Variants in SLC25A21 observed in about 807,000 individuals in gnomAD.
The protein encoded by SLC25A21 is solute carrier family 25 member 21.
Under a neutral mutation model 43.8 loss-of-function variants are expected in SLC25A21, and 47 were observed. The observed-to-expected ratio is 1.07, with a 90% CI of 0.85 to 1.37. The LOEUF (loss-of-function observed/expected upper bound fraction) is 1.37, where lower values mean the gene tolerates loss of function less well. Among genes scored for constraint, SLC25A21 ranks in the 40% most tolerant of loss-of-function variants. The pLI is 0.00. For synonymous variants in SLC25A21, 131 were observed against 121.3 expected (o/e 1.08, Z -0.52); for missense variants, 352 against 350.2 (o/e 1.00, Z -0.04).
At chr14:37,079,937 G>A (rs1198887719) in intron 1 of SLC25A21, among the ~76,000 whole-genome samples, 1 of 152,118 alleles carries the variant, frequency 6.6e-6, no homozygotes, top group Non-Finnish European at 1.5e-5. Flanking sequence ...AATGGAAAGA[G>A]TGCCCTTATA....
rs147024572 is a variant in SLC25A21 at position 36,908,287 on chromosome 14, T to C, written c.71-33283A>G. ...AAATGTACTACTCCGGTATGGAATA[T>C]TGACAGTGGGGGCATCTCTGCATGG... On this transcript the variant is annotated intron_variant, in intron 1 of 9. Coordinates refer to ENST00000331299, the MANE Select transcript of SLC25A21 (RefSeq NM_030631.4). Among the ~76,000 whole-genome samples, 623 of 152,326 alleles carry C rather than the reference T, an allele frequency of 4.1e-3. 3 individuals carry two copies. The highest frequency in any genetic ancestry group is 0.014 in the African/African-American group (577 of 41,578).
chr14:36,846,154 T>C (rs1889534688), intron 2 of SLC25A21, among the ~76,000 whole-genome samples: 1 of 152,212 alleles, frequency 6.6e-6, no homozygotes, highest in South Asian at 2.1e-4. Context: ...GTGAACTTTC[T>C]AGAAGGAATT....
chr14:37,040,364 AG>A (rs1961433990), intron 1 of SLC25A21, among the ~76,000 whole-genome samples: 5 of 34,798 alleles, frequency 1.4e-4, no homozygotes, highest in African/African-American at 1.0e-3. Context: ...AAAGAAAGAG[AG>A]AGAGAGAGAG....
intron 1 of SLC25A21, among the ~76,000 whole-genome samples, chr14:37,119,196 G>A (rs1210689431): frequency 6.6e-6 from 1 of 152,120 alleles, no homozygotes; most frequent in Admixed American, 6.6e-5. Context: ...TCAGTTCCAG[G>A]AACTGCCTGC....
chr14:37,131,953 C>T (rs774080561), intron 1 of SLC25A21, among the ~76,000 whole-genome samples: 1 of 152,148 alleles, frequency 6.6e-6, no homozygotes, highest in Non-Finnish European at 1.5e-5. Context: ...GGATTACAGG[C>T]ATGAGCCACT....
At chr14:36,729,847 T>C (rs1382383209) in intron 4 of SLC25A21, among the ~76,000 whole-genome samples, 1 of 152,194 alleles carries the variant, frequency 6.6e-6, no homozygotes, top group Non-Finnish European at 1.5e-5. Context: ...CCATTTTCAG[T>C]TTCCCCAGAC....
At chr14:36,721,533 T>C (rs1884373913) in intron 6 of SLC25A21, among the ~76,000 whole-genome samples, 1 of 152,226 alleles carries the variant, frequency 6.6e-6, no homozygotes. Context: ...TGGTAAAAAG[T>C]GTAATGAGAA....
intron 1 of SLC25A21, among the ~76,000 whole-genome samples, chr14:36,877,152 A>C (rs1890558512): frequency 6.6e-6 from 1 of 152,138 alleles, no homozygotes; most frequent in Non-Finnish European, 1.5e-5. Context: ...AGTTTACCAA[A>C]GCAAGTACAC....
intron 1 of SLC25A21, among the ~76,000 whole-genome samples, chr14:37,059,473 C>T (rs1230933819): frequency 6.6e-6 from 1 of 152,112 alleles, no homozygotes. Context: ...AATTATTCTC[C>T]CCTTCGTCTG....
chr14:36,775,027 A>G (rs1427833826), intron 3 of SLC25A21, among the ~76,000 whole-genome samples: 4 of 152,230 alleles, frequency 2.6e-5, no homozygotes, highest in Non-Finnish European at 5.9e-5. Context: ...AATCACTTTT[A>G]TAGCATAATA....
intron 1 of SLC25A21, 27 bp downstream of exon 1, chr14:37,172,254 C>T: frequency 6.4e-7 from 1 of 1,569,812 alleles, no homozygotes; most frequent in East Asian, 2.3e-5. Flanking sequence ...GACTAGCCTC[C>T]GGCGGGGCAG....
At chr14:36,772,529 A>G (rs1886657552) in intron 3 of SLC25A21, among the ~76,000 whole-genome samples, 1 of 152,158 alleles carries the variant, frequency 6.6e-6, no homozygotes, top group East Asian at 1.9e-4. Flanking sequence ...CAAGTTTTTA[A>G]TCACCCTAAG....
chr14:36,973,888 C>T (rs1959810750), intron 1 of SLC25A21, among the ~76,000 whole-genome samples: 3 of 151,882 alleles, frequency 2.0e-5, no homozygotes, highest in Admixed American at 6.6e-5. Context: ...GTAAGTGGGG[C>T]AAATTCAATT....
At chr14:36,808,408 G>C (rs1420445781) in intron 3 of SLC25A21, among the ~76,000 whole-genome samples, 1 of 152,160 alleles carries the variant, frequency 6.6e-6, no homozygotes, top group African/African-American at 2.4e-5. Flanking sequence ...AGATTTGCTT[G>C]ACTGAACATA....
chr14:37,158,373 A>C (rs903566589), intron 1 of SLC25A21, among the ~76,000 whole-genome samples: 4 of 152,146 alleles, frequency 2.6e-5, no homozygotes, highest in African/African-American at 9.6e-5. Flanking sequence ...CATCAAAAAG[A>C]TAATACACCA....
At chr14:36,821,830 A>C (rs1888646227) in intron 2 of SLC25A21, among the ~76,000 whole-genome samples, 1 of 152,136 alleles carries the variant, frequency 6.6e-6, no homozygotes, top group South Asian at 2.1e-4. Context: ...AACAAAACAA[A>C]ACAAAACAAA....
At chr14:37,125,853 G>A (rs570064064) in intron 1 of SLC25A21, among the ~76,000 whole-genome samples, 26 of 152,250 alleles carry the variant, frequency 1.7e-4, no homozygotes, top group African/African-American at 6.3e-4. Flanking sequence ...AGATTTCATT[G>A]TACTGAGTAA....
chr14:36,701,151 C>A, intron 7 of SLC25A21, among the ~76,000 whole-genome samples: 1 of 152,174 alleles, frequency 6.6e-6, no homozygotes. Context: ...AAAACATTTT[C>A]CTCCCAATGT....
At chr14:37,152,162 T>G (rs1963769671) in intron 1 of SLC25A21, among the ~76,000 whole-genome samples, 2 of 152,170 alleles carry the variant, frequency 1.3e-5, no homozygotes, top group South Asian at 4.1e-4. Flanking sequence ...TCATACTTAT[T>G]GACTATGATA....
Sources: gnomAD v4.1 joint callset for allele counts (sites outside exome capture counted in the v4.1 genomes callset) on GRCh38, gnomAD v4.1.1 for gene constraint, MANE v1.5 for transcripts, NCBI Gene and HGNC (gene_info 2026-07-23, HGNC 2026-07-21) for gene names.